The following ANKRD36 variants were observed in gnomAD, a reference collection of about 807,000 sequenced individuals.
The protein encoded by ANKRD36 is ankyrin repeat domain-containing protein 36A.
In ANKRD36, 179 loss-of-function variants were observed where a neutral mutation model predicts 278.1. That is an observed-to-expected ratio of 0.64 (90% CI 0.57 to 0.73). The LOEUF (loss-of-function observed/expected upper bound fraction) is 0.73. Ranked by LOEUF, ANKRD36 falls within the 30% of genes least tolerant of loss-of-function variation. ANKRD36 has a pLI of 0.00. For synonymous variants in ANKRD36, 320 were observed against 641.1 expected, an observed-to-expected ratio of 0.50 and a Z score of 7.57; for missense variants, 1,159 against 1,956.7, an observed-to-expected ratio of 0.59 and a Z score of 7.69.
intron 67 of ANKRD36, among the ~76,000 whole-genome samples, chr2:97,226,912 G>C (rs1167148748): frequency 1.3e-5 from 2 of 151,894 alleles, no homozygotes; most frequent in African/African-American, 4.8e-5. Context: ...TTTTTCTCAG[G>C]GTTGTCAAAG....
chr2:97,149,552 A>T (rs1457061135), intron 12 of ANKRD36, among the ~76,000 whole-genome samples, 191 bp downstream of exon 12: 1 of 151,878 alleles, frequency 6.6e-6, no homozygotes, highest in Admixed American at 6.6e-5. Context: ...AATAAGAAAT[A>T]GTTGATAAAT....
In ANKRD36 at chr2:97,144,722, C is replaced by T; in HGVS notation, c.1003+10C>T. 2 of 1,543,710 alleles carry T rather than the reference C, an allele frequency of 1.3e-6. No individual in the cohort carries two copies. The highest frequency in any genetic ancestry group is 1.7e-6 in the Non-Finnish European group (2 of 1,146,238). On this transcript the variant is annotated intron_variant, in intron 10 of 75. Coordinates refer to ENST00000420699, the MANE Select transcript of ANKRD36 (RefSeq NM_001354587.1). ...CAAAAATCTGGGACAGGTAATTTTG[C>T]AATACACATTTAATGCCATGTACAG...
chr2:97,187,136 G>A lies in ANKRD36; in HGVS notation c.2042-62G>A, dbSNP rs1575519989. The A allele has an allele frequency of 5.6e-6, 9 of 1,602,590 alleles. No individual in the cohort carries two copies. The East Asian group carries it at 2.0e-4, about 36-fold the overall frequency. On this transcript the variant is annotated intron_variant, in intron 30 of 75. Coordinates refer to ENST00000420699, the MANE Select transcript of ANKRD36 (RefSeq NM_001354587.1). ...ATACAGCTTGATGCTAACACCGCAT[G>A]AATGTATGGAAAATGTATCATATTT...
intron 58 of ANKRD36, chr2:97,213,172 T>G (rs2065114813): frequency 4.6e-6 from 1 of 219,684 alleles, no homozygotes; most frequent in African/African-American, 2.4e-5. Context: ...TGACACGGTT[T>G]TATTTTAGTT....
chr2:97,223,728 G>A (rs2068444420), intron 66 of ANKRD36, among the ~76,000 whole-genome samples: 1 of 115,918 alleles, frequency 8.6e-6, no homozygotes, highest in Non-Finnish European at 1.7e-5. Flanking sequence ...TTGCATTAAA[G>A]ATAGGCCATA....
At chr2:97,217,612 A>G (rs1294734202) in intron 64 of ANKRD36, among the ~76,000 whole-genome samples, 4 of 152,140 alleles carry the variant, frequency 2.6e-5, no homozygotes, top group African/African-American at 9.6e-5. Flanking sequence ...ATTGGAAAAC[A>G]GTTCAAGACA....
At chr2:97,211,451 C>T (rs2064565137) in intron 56 of ANKRD36, 95 bp from the exon 57 acceptor site, 2 of 1,537,364 alleles carry the variant, frequency 1.3e-6, no homozygotes, top group Admixed American at 1.7e-5. Flanking sequence ...CTAATACAGG[C>T]TGGGGGACAG....
Position 97,170,962 on chromosome 2 carries a change from A to C in ANKRD36, c.1633+3195A>C, listed in dbSNP as rs377041748. On this transcript the variant is annotated intron_variant, in intron 22 of 75. Coordinates refer to ENST00000420699, the MANE Select transcript of ANKRD36 (RefSeq NM_001354587.1). ...AACACATGAAAAAATGCTCATCATC[A>C]CTGGCCATCAGAGAAATGCAAATCA... 2.6e-3 allele frequency among the ~76,000 whole-genome samples: 387 copies of C among 151,414 alleles called. 15 individuals carry two copies. The East Asian group carries it at 0.047, about 19-fold the overall frequency.
chr2:97,171,404 A>G (rs1206219796), intron 22 of ANKRD36, among the ~76,000 whole-genome samples: 2 of 147,868 alleles, frequency 1.4e-5, no homozygotes, highest in African/African-American at 2.5e-5. Flanking sequence ...CTTTGAAGGG[A>G]CATGGATGAA....
chr2:97,207,468 T>A (rs377763243), intron 52 of ANKRD36, among the ~76,000 whole-genome samples: 7 of 151,554 alleles, frequency 4.6e-5, no homozygotes, highest in Non-Finnish European at 1.0e-4. Context: ...AGCACCTGCT[T>A]TGACATTGAT....
At chr2:97,204,958 A>C (rs1346404238) in intron 50 of ANKRD36, among the ~76,000 whole-genome samples, 1 of 151,500 alleles carries the variant, frequency 6.6e-6, no homozygotes, top group Non-Finnish European at 1.5e-5. Flanking sequence ...CGTGTTGTTG[A>C]TTTTAGTTAT....
intron 22 of ANKRD36, among the ~76,000 whole-genome samples, chr2:97,172,316 C>T (rs2052813462): frequency 6.6e-6 from 1 of 151,836 alleles, no homozygotes; most frequent in Admixed American, 6.6e-5. Flanking sequence ...CACATTGACC[C>T]AGTGAGGTAT....
rs2034058501 is a variant in ANKRD36, at chr2:97,113,222, G to A, written c.-518G>A. 6.6e-6 allele frequency among the ~76,000 whole-genome samples: 1 copy of A among 151,880 alleles called. No individual in the cohort carries two copies. Among genetic ancestry groups the A allele is most frequent in the East Asian group, 1.9e-4 (1 of 5,154 alleles). On this transcript the variant is annotated 5_prime_UTR_variant, in exon 1 of 76. Transcript: ENST00000420699. Reference sequence around the variant, plus strand: ...TGCAGCTGTGGCAACCCCGGATCCCGTCCTCCCGCCTCGCACCCATCAGCG... The same window carrying A: ...TGCAGCTGTGGCAACCCCGGATCCCATCCTCCCGCCTCGCACCCATCAGCG...
chr2:97,137,948 G>T (rs1054497696), intron 6 of ANKRD36, among the ~76,000 whole-genome samples: 1 of 151,962 alleles, frequency 6.6e-6, no homozygotes, highest in Admixed American at 6.6e-5. Flanking sequence ...ACTTTTTGAT[G>T]AGATCGTTTG....
chr2:97,203,979 G>T, intron 48 of ANKRD36, 89 bp from the exon 49 acceptor site: 3 of 1,517,390 alleles, frequency 2.0e-6, no homozygotes, highest in Non-Finnish European at 2.7e-6. Context: ...CAGGCAGGAG[G>T]ACAGAGGCTG....
chr2:97,157,287 C>A (rs2047717233), intron 15 of ANKRD36, among the ~76,000 whole-genome samples: 1 of 149,692 alleles, frequency 6.7e-6, no homozygotes, highest in Non-Finnish European at 1.5e-5. Context: ...AAATGCTAAC[C>A]AGTATTATTA....
chr2:97,118,093 G>A lies in ANKRD36; in HGVS notation c.227G>A (p.Gly76Asp). 6.4e-7 allele frequency: 1 copy of A among 1,556,450 alleles called. No individual in the cohort carries two copies. Among genetic ancestry groups the A allele is most frequent in the Non-Finnish European group, 8.7e-7 (1 of 1,149,384 alleles). ...RTALHLACAT[G>D]QPEMVHLLVS... is the part of the protein sequence containing the mutation. ...GCCCTACATTTGGCCTGTGCCACTG[G>A]CCAACCGGAAATGGTACATCTCCTG... The change falls in exon 2 of 76, where the codon GGC becomes GAC. Residue 76 changes from glycine (G) to aspartate (D), a missense_variant. Coordinates refer to ENST00000420699, the MANE Select transcript of ANKRD36 (RefSeq NM_001354587.1).
intron 38 of ANKRD36, 49 bp from the exon 39 acceptor site, chr2:97,194,677 C>A: frequency 1.9e-6 from 3 of 1,599,230 alleles, no homozygotes; most frequent in Non-Finnish European, 2.6e-6. Context: ...GTATGGATAA[C>A]TTTATCATAT....
At chr2:97,187,805 C>T (rs1417461777) in intron 32 of ANKRD36, among the ~76,000 whole-genome samples, 1 of 151,648 alleles carries the variant, frequency 6.6e-6, no homozygotes, top group African/African-American at 2.4e-5. Flanking sequence ...TAGTAATAAC[C>T]CATAGACACT....
Sources: allele counts gnomAD v4.1 joint callset (sites outside exome capture counted in the v4.1 genomes callset), GRCh38; gene constraint gnomAD v4.1.1; transcripts MANE v1.5; gene names NCBI Gene and HGNC (gene_info 2026-07-23, HGNC 2026-07-21).